The following TP63 variants were observed in gnomAD, a reference collection of about 807,000 sequenced individuals.
TP63 encodes tumor protein p63, also known as tumor protein 63.
TP63 carries 17 observed loss-of-function variants against 82.8 expected under a neutral mutation model. That is an observed-to-expected ratio of 0.21 (90% CI 0.14 to 0.31). The LOEUF is 0.31. Among genes scored for constraint, TP63 ranks in the 10% least tolerant of loss-of-function variants. The pLI, the probability that TP63 is intolerant of heterozygous loss-of-function variation, is 1.00. For synonymous variants in TP63, 330 were observed against 321.7 expected, an observed-to-expected ratio of 1.03 and a Z score of -0.28; for missense variants, 648 against 895.3, an observed-to-expected ratio of 0.72 and a Z score of 3.52.
intron 1 of TP63, among the ~76,000 whole-genome samples, chr3:189,675,471 A>C (rs1345925772): frequency 6.6e-6 from 1 of 152,166 alleles, no homozygotes; most frequent in Non-Finnish European, 1.5e-5. Flanking sequence ...TAACCTAAAC[A>C]TCATAATTTG....
intron 3 of TP63, among the ~76,000 whole-genome samples, chr3:189,741,109 C>T (rs1193304148): frequency 6.6e-6 from 1 of 151,384 alleles, no homozygotes. Context: ...TGAAATAGGG[C>T]ACTTGGAGGC....
intron 3 of TP63, among the ~76,000 whole-genome samples, chr3:189,785,536 A>T (rs911225310): frequency 6.6e-6 from 1 of 152,090 alleles, no homozygotes; most frequent in Non-Finnish European, 1.5e-5. Context: ...AAATTCTCAC[A>T]TCGGTAGGCT....
intron 4 of TP63, among the ~76,000 whole-genome samples, chr3:189,816,743 G>C (rs1013205288): frequency 1.3e-5 from 2 of 152,130 alleles, no homozygotes; most frequent in Non-Finnish European, 2.9e-5. Context: ...GATATGGAAT[G>C]GTTTTTAGAA....
intron 1 of TP63, among the ~76,000 whole-genome samples, chr3:189,722,493 G>A (rs909018416): frequency 6.6e-6 from 1 of 152,206 alleles, no homozygotes; most frequent in African/African-American, 2.4e-5. Flanking sequence ...ACTTCACAGA[G>A]GAGGAACTTG....
Position 189,876,605 on chromosome 3 carries a change from AACAG to A in TP63, c.1349+3613_1349+3616del, listed in dbSNP as rs150877804. 4.8e-3 allele frequency among the ~76,000 whole-genome samples: 729 copies of A among 152,306 alleles called. 4 individuals carry two copies. The highest frequency in any genetic ancestry group is 0.017 in the African/African-American group (695 of 41,564). ...TGTGATAACTTGTGCATGGAAATCT[AACAG>A]ACTGCAAAATTAAATCTTTGCAAAA... On this transcript the variant is annotated intron_variant, in intron 10 of 13. Coordinates refer to ENST00000264731, the MANE Select transcript of TP63 (RefSeq NM_003722.5).
intron 1 of TP63, among the ~76,000 whole-genome samples, chr3:189,640,255 T>C (rs1577158795): frequency 6.6e-6 from 1 of 152,244 alleles, no homozygotes. Context: ...AACCCTTTTG[T>C]TATCTCAGGC....
At position 189,789,787 on chromosome 3, in the gene TP63, A is replaced by G. The variant is rs763625311; in HGVS notation, c.325-18485A>G. 34 of 1,593,384 alleles carry G rather than the reference A, an allele frequency of 2.1e-5. No homozygotes were observed. The African/African-American group carries it at 3.4e-4, about 16-fold the overall frequency. On this transcript the variant is annotated intron_variant, in intron 3 of 13. Transcript: ENST00000264731. The stretch of plus-strand genomic sequence containing the variant: ...GAAGAAAGGACAGCAGCATTGATCA[A>G]TCTTACAGCTAACATGTTGTACCTG...
intron 3 of TP63, among the ~76,000 whole-genome samples, chr3:189,802,749 T>A (rs1037010325): frequency 5.3e-5 from 8 of 152,160 alleles, no homozygotes; most frequent in Non-Finnish European, 1.5e-5. Flanking sequence ...CCTAGCCTCA[T>A]CCACCAGTCA....
intron 4 of TP63, among the ~76,000 whole-genome samples, chr3:189,856,999 G>A (rs1412306577): frequency 1.3e-5 from 2 of 151,954 alleles, no homozygotes; most frequent in Non-Finnish European, 2.9e-5. Flanking sequence ...ATCTTACCAG[G>A]CATTTTTATG....
At chr3:189,877,260 G>A (rs934841095) in intron 10 of TP63, among the ~76,000 whole-genome samples, 1 of 152,146 alleles carries the variant, frequency 6.6e-6, no homozygotes, top group Non-Finnish European at 1.5e-5. Flanking sequence ...CTAGATGCCA[G>A]AATCTAATAG....
chr3:189,659,748 A>G (rs1713707833), intron 1 of TP63, among the ~76,000 whole-genome samples: 1 of 152,048 alleles, frequency 6.6e-6, no homozygotes, highest in South Asian at 2.1e-4. Context: ...AGAAATTCTA[A>G]ATGGTATGAG....
chr3:189,891,004 C>T (rs1377545220), intron 13 of TP63, 122 bp downstream of exon 13: 8 of 841,876 alleles, frequency 9.5e-6, no homozygotes, highest in Admixed American at 8.1e-5. Context: ...CCCAATTATC[C>T]ATTTTGATAG....
intron 4 of TP63, among the ~76,000 whole-genome samples, chr3:189,813,315 A>G (rs1727779069): frequency 6.6e-6 from 1 of 152,220 alleles, no homozygotes. Flanking sequence ...ATTAGAAAGA[A>G]TTCTCTGTAC....
chr3:189,597,737 C>A, the TP63 span, among the ~76,000 whole-genome samples: 2 of 152,006 alleles, frequency 1.3e-5, no homozygotes, highest in Admixed American at 6.6e-5. Context: ...CCAGCCTAGG[C>A]AACATGGTGA....
chr3:189,789,667 G>T (rs756562409), intron 3 of TP63: 41 of 1,455,332 alleles, frequency 2.8e-5, no homozygotes, highest in Non-Finnish European at 3.7e-5. Flanking sequence ...TACAGAGAGA[G>T]AAAGAGAGAG....
intron 4 of TP63, among the ~76,000 whole-genome samples, chr3:189,828,274 T>G (rs900905427): frequency 6.2e-4 from 92 of 149,310 alleles, no homozygotes; most frequent in Admixed American, 1.2e-3. Context: ...GAGAGAGAGA[T>G]ACGGAGATAT....
chr3:189,775,798 A>G (rs1372063611), intron 3 of TP63, among the ~76,000 whole-genome samples: 2 of 152,228 alleles, frequency 1.3e-5, no homozygotes, highest in Admixed American at 6.5e-5. Flanking sequence ...ACCAACATTT[A>G]ACTGAATTTA....
chr3:189,868,676 A>C lies in TP63; in HGVS notation c.1089A>C (p.Gln363His). The C allele has an allele frequency of 6.2e-7, 1 of 1,614,116 alleles. No individual in the cohort carries two copies. The highest frequency in any genetic ancestry group is 8.5e-7 in the Non-Finnish European group (1 of 1,179,988). Residue 363 changes from glutamine (Q) to histidine (H), a missense_variant, in exon 8 of 14, where the codon CAA (glutamine) becomes CAC (histidine). Coordinates refer to ENST00000264731, the MANE Select transcript of TP63 (RefSeq NM_003722.5). ...KADEDSIRKQQVSDSTKNGDG... is the reference protein window; with the variant it reads ...KADEDSIRKQHVSDSTKNGDG... ...ATGAAGATAGCATCAGAAAGCAGCA[A>C]GTTTCGGACAGTACAAAGAACGGTG...
chr3:189,876,320 A>G (rs981748701), intron 10 of TP63, among the ~76,000 whole-genome samples: 8 of 152,186 alleles, frequency 5.3e-5, no homozygotes, highest in African/African-American at 1.9e-4. Flanking sequence ...ATGAGTATCC[A>G]GTGCTTATTG....
Sources: allele counts gnomAD v4.1 joint callset (sites outside exome capture counted in the v4.1 genomes callset), GRCh38; gene constraint gnomAD v4.1.1; transcripts MANE v1.5; gene names NCBI Gene and HGNC (gene_info 2026-07-23, HGNC 2026-07-21).